Variants in PARP4 observed in about 807,000 individuals in gnomAD.
PARP4 encodes poly(ADP-ribose) polymerase family member 4, also known as protein mono-ADP-ribosyltransferase PARP4.
In PARP4, 120 loss-of-function variants were observed where a neutral mutation model predicts 187.7. The observed-to-expected ratio is 0.64, with a 90% CI of 0.55 to 0.74. The LOEUF is 0.74. Ranked by LOEUF, PARP4 falls within the 30% of genes least tolerant of loss-of-function variation. The pLI is 0.00. For missense variants in PARP4, 1,836 were observed against 2,070.5 expected (o/e 0.89, Z 2.20); for synonymous variants, 654 against 740.9 (o/e 0.88, Z 1.90).
intron 1 of PARP4, among the ~76,000 whole-genome samples, chr13:24,506,827 C>T (rs1869715143): frequency 6.6e-6 from 1 of 152,216 alleles, no homozygotes; most frequent in African/African-American, 2.4e-5. Context: ...CCGCACTCCT[C>T]AGCCCTTGGG....
chr13:24,487,742 G>A (rs1220270788), intron 10 of PARP4, among the ~76,000 whole-genome samples: 2 of 152,080 alleles, frequency 1.3e-5, no homozygotes, highest in African/African-American at 2.4e-5. Flanking sequence ...TGTGGTGGGA[G>A]TATTTGCTTC....
At chr13:24,438,384 C>T (rs922562583) in intron 30 of PARP4, among the ~76,000 whole-genome samples, 12 of 152,196 alleles carry the variant, frequency 7.9e-5, no homozygotes, top group Non-Finnish European at 1.5e-4. Context: ...CCCCTCACCT[C>T]CTGCTGTGCA....
rs1566001538 is a variant in PARP4, at chr13:24,460,144, A to G, written c.2134-8T>C. On this transcript the variant is annotated splice_region_variant and splice_polypyrimidine_tract_variant and intron_variant, in intron 17 of 33. Transcript: ENST00000381989. ...ACTTACAGTAAAAACGTCCTGAAACAGAAACATATGACTTAGCTTCCAACT... is the reference window on the plus strand; with the variant it reads ...ACTTACAGTAAAAACGTCCTGAAACGGAAACATATGACTTAGCTTCCAACT... 6.2e-7 allele frequency: 1 copy of G among 1,610,858 alleles called. No individual in the cohort carries two copies. Among genetic ancestry groups the G allele is most frequent in the Non-Finnish European group, 8.5e-7 (1 of 1,178,278 alleles).
intron 29 of PARP4, among the ~76,000 whole-genome samples, 200 bp downstream of exon 29, chr13:24,442,389 AG>A (rs1870980565): frequency 1.3e-5 from 2 of 152,306 alleles, no homozygotes; most frequent in Admixed American, 1.3e-4. Flanking sequence ...CAACTCATTT[AG>A]AAAGATCACC....
At position 24,484,693 on chromosome 13, in the gene PARP4, C is replaced by T. The variant is rs756942169; in HGVS notation, c.1408G>A (p.Gly470Arg). The T allele has an allele frequency of 5.9e-5, 95 of 1,612,464 alleles. No individual in the cohort carries two copies. Among genetic ancestry groups the T allele is most frequent in the Non-Finnish European group, 7.2e-5 (85 of 1,178,620 alleles). ...EDRGVQRTDV[G>R]NLGSGIYFSD... ...AAATAAATCCCACTTCCAAGGTTTC[C>T]GACGTCTGTTCTTTGCACACCACGA... The change falls in exon 12 of 34, where the codon GGA becomes AGA. Residue 470 changes from glycine (G) to arginine (R), a missense_variant. Coordinates refer to ENST00000381989, the MANE Select transcript of PARP4 (RefSeq NM_006437.4).
At chr13:24,471,246 T>C (rs1342952881) in intron 15 of PARP4, among the ~76,000 whole-genome samples, 1 of 152,190 alleles carries the variant, frequency 6.6e-6, no homozygotes, top group Non-Finnish European at 1.5e-5. Context: ...ATGATCAGGA[T>C]CACTATCTAA....
rs1869724606 is a variant in PARP4 at position 24,421,202 on chromosome 13, A to G, written c.5092T>C (p.Ser1698Pro). 1 of 1,435,620 alleles carries G rather than the reference A, an allele frequency of 7.0e-7. No homozygotes were observed. The highest frequency in any genetic ancestry group is 9.3e-7 in the Non-Finnish European group (1 of 1,074,998). 88.9% of individuals were successfully genotyped at this position (1,435,620 alleles called of 1,614,324 possible). Residue 1698 changes from serine to proline, a missense_variant, in exon 34 of 34, where the codon TCT becomes CCT. Around this residue, in one of 8 missense-constraint regions of PARP4, gnomAD observed 29 missense variants for 81.3 expected, o/e 0.36. Coordinates refer to ENST00000381989, the MANE Select transcript of PARP4 (RefSeq NM_006437.4). Reference sequence around the variant, plus strand: ...AGTCCCAGCAACTGCTTGGTGGCAGAGTCCCAGTCGTTCCCCAGTTCAAGC... The same window carrying G: ...AGTCCCAGCAACTGCTTGGTGGCAGGGTCCCAGTCGTTCCCCAGTTCAAGC... ...PRLELGNDWD[S>P]ATKQLLGLQP... is the part of the protein sequence containing the mutation.
chr13:24,480,808 G>C (rs943743350), intron 12 of PARP4, among the ~76,000 whole-genome samples: 1 of 152,206 alleles, frequency 6.6e-6, no homozygotes, highest in Admixed American at 6.5e-5. Context: ...TCTCTATAAC[G>C]TAACAATGGA....
At chr13:24,501,340 T>G (rs183950470) in intron 3 of PARP4, among the ~76,000 whole-genome samples, 1 of 152,204 alleles carries the variant, frequency 6.6e-6, no homozygotes, top group African/African-American at 2.4e-5. Context: ...AATCACTGTT[T>G]AACACAAAGG....
At chr13:24,508,579 C>A (rs1407495364) in intron 1 of PARP4, among the ~76,000 whole-genome samples, 1 of 152,238 alleles carries the variant, frequency 6.6e-6, no homozygotes, top group East Asian at 1.9e-4. Flanking sequence ...AGTGGTGAGA[C>A]CTCGGCTCAC....
chr13:24,467,392 C>T lies in PARP4; in HGVS notation c.2133+1632G>A, dbSNP rs188389584. Among the ~76,000 whole-genome samples the T allele has an allele frequency of 2.9e-4, 44 of 152,144 alleles. 3 individuals carry two copies. The highest frequency in any genetic ancestry group is 5.9e-4 in the Admixed American group (9 of 15,282). ...GGGAAAATGAAGCCATGGGTCTTTC[C>T]GGGGGAAGGCAGGAAAAGCTTAGAT... On this transcript the variant is annotated intron_variant, in intron 17 of 33. Coordinates refer to ENST00000381989, the MANE Select transcript of PARP4 (RefSeq NM_006437.4).
At chr13:24,432,526 C>T (rs1448879962) in intron 31 of PARP4, among the ~76,000 whole-genome samples, 1 of 152,174 alleles carries the variant, frequency 6.6e-6, no homozygotes, top group Non-Finnish European at 1.5e-5. Context: ...TCCTTCCACC[C>T]CTTTTGCTTT....
chr13:24,506,417 T>G (rs769451345), intron 1 of PARP4, among the ~76,000 whole-genome samples: 13 of 152,160 alleles, frequency 8.5e-5, no homozygotes, highest in Non-Finnish European at 1.8e-4. Flanking sequence ...AGGTTGCCAC[T>G]GCTAGCTCGG....
At chr13:24,441,385 T>TTGTTTTTGAATTTTTCTTCCAA in intron 30 of PARP4, among the ~76,000 whole-genome samples, 1 of 152,340 alleles carries the variant, frequency 6.6e-6, no homozygotes, top group East Asian at 1.9e-4. Context: ...TGTTGTTCCT[T>TTGTTTTTGAATTTTTCTTCCAA]TGTTTTTGAA....
intron 21 of PARP4, among the ~76,000 whole-genome samples, chr13:24,455,614 CTTTTTTT>C (rs1233823030): frequency 7.7e-4 from 89 of 116,286 alleles, no homozygotes; most frequent in East Asian, 2.8e-3. Flanking sequence ...TGTAAGTTTC[CTTTTTTT>C]TTTTTTTTTT....
At chr13:24,429,485 G>T (rs926194988) in intron 32 of PARP4, among the ~76,000 whole-genome samples, 2 of 152,202 alleles carry the variant, frequency 1.3e-5, no homozygotes, top group South Asian at 2.1e-4. Flanking sequence ...GGTAGGTCCT[G>T]TGTAGGCTTT....
At chr13:24,431,325 C>T in intron 32 of PARP4, 52 bp downstream of exon 32, 2 of 962,252 alleles carry the variant, frequency 2.1e-6, no homozygotes, top group Non-Finnish European at 3.2e-6. Flanking sequence ...TAGGAGCATG[C>T]TTATTAATGA....
chr13:24,478,804 T>C (rs1201994185), intron 12 of PARP4, among the ~76,000 whole-genome samples: 2 of 152,238 alleles, frequency 1.3e-5, no homozygotes, highest in Admixed American at 1.3e-4. Context: ...CAAAGCACTT[T>C]GTTTCCAGAG....
intron 16 of PARP4, 81 bp downstream of exon 16, chr13:24,469,813 G>A: frequency 6.2e-6 from 9 of 1,446,072 alleles, no homozygotes; most frequent in Non-Finnish European, 8.5e-6. Flanking sequence ...GTAGCCATGG[G>A]GACTCCAAAA....
Sources: allele counts gnomAD v4.1 joint callset (sites outside exome capture counted in the v4.1 genomes callset), GRCh38; gene constraint gnomAD v4.1.1; regional missense constraint gnomAD v4.1.1; transcripts MANE v1.5; gene names NCBI Gene and HGNC (gene_info 2026-07-23, HGNC 2026-07-21).